MROH9: variants seen among roughly 807,000 people sequenced by gnomAD.
MROH9 encodes the protein maestro heat like repeat family member 9, also known as maestro heat-like repeat-containing protein family member 9.
Under a neutral mutation model 98.2 loss-of-function variants are expected in MROH9, and 92 were observed. The observed-to-expected ratio is 0.94, with a 90% CI of 0.79 to 1.11. The LOEUF (loss-of-function observed/expected upper bound fraction) is 1.11, where lower values mean the gene tolerates loss of function less well. MROH9 is among the 50% of genes most tolerant of loss of function. The pLI, the probability that MROH9 is intolerant of heterozygous loss-of-function variation, is 0.00. For missense variants in MROH9, 1,057 were observed against 1,014.8 expected, an observed-to-expected ratio of 1.04 and a Z score of -0.57; for synonymous variants, 397 against 368.9, an observed-to-expected ratio of 1.08 and a Z score of -0.87.
At chr1:171,033,070 G>A (rs1268778153) in intron 20 of MROH9, among the ~76,000 whole-genome samples, 1 of 152,256 alleles carries the variant, frequency 6.6e-6, no homozygotes, top group African/African-American at 2.4e-5. Context: ...GCCACAGCCA[G>A]TGTGTTGGGC....
At chr1:171,063,410 G>T (rs1654070860) in intron 21 of MROH9, among the ~76,000 whole-genome samples, 1 of 151,818 alleles carries the variant, frequency 6.6e-6, no homozygotes, top group African/African-American at 2.4e-5. Flanking sequence ...ATGCCACCAT[G>T]CCCGGCTAAT....
intron 17 of MROH9, among the ~76,000 whole-genome samples, chr1:171,021,764 A>C (rs1401296529): frequency 6.6e-6 from 1 of 152,226 alleles, no homozygotes; most frequent in Non-Finnish European, 1.5e-5. Context: ...GATCTAATCA[A>C]ATTAAACAGC....
rs74625299 is a variant in MROH9 at position 170,949,308 on chromosome 1, G to T, written c.72+1735G>T. Among the ~76,000 whole-genome samples, 390 of 151,930 alleles carry T rather than the reference G, an allele frequency of 2.6e-3. 5 individuals are homozygous for T. Among genetic ancestry groups the T allele is most frequent in the African/African-American group, 8.7e-3 (362 of 41,472 alleles). ...TTTCAGTACTGAAATGGAGAGGGGT[G>T]GTCTAAACAACACCCTGCAGCATCC... On this transcript the variant is annotated intron_variant, in intron 3 of 21. Coordinates refer to ENST00000367759, the MANE Select transcript of MROH9 (RefSeq NM_001163629.2).
At position 170,965,186 on chromosome 1, in the gene MROH9, T is replaced by A; in HGVS notation, c.411T>A (p.Tyr137Ter). ...MLVWMSKDSS[Y>*]LQERIMVIIN... is the part of the protein sequence containing the mutation. ...TGTGGATGAGTAAAGATAGCTCATATCTGCAAGAGAGAATAATGGTGATCA... is the reference window on the plus strand; with the variant it reads ...TGTGGATGAGTAAAGATAGCTCATAACTGCAAGAGAGAATAATGGTGATCA... Residue 137 changes from tyrosine (Y) to a stop codon, truncating the protein, a stop_gained, in exon 7 of 22, where the codon TAT becomes TAA. Transcript: ENST00000367759. LOFTEE classifies it high-confidence loss of function. 1 of 1,611,412 alleles carries A rather than the reference T, an allele frequency of 6.2e-7. No individual in the cohort carries two copies. The highest frequency in any genetic ancestry group is 8.5e-7 in the Non-Finnish European group (1 of 1,178,180).
At chr1:170,990,434 A>G (rs1651314458) in intron 11 of MROH9, among the ~76,000 whole-genome samples, 1 of 152,214 alleles carries the variant, frequency 6.6e-6, no homozygotes, top group African/African-American at 2.4e-5. Context: ...CATACCAATA[A>G]CAGCATTAAA....
At chr1:171,001,070 G>T (rs1382174850) in intron 15 of MROH9, among the ~76,000 whole-genome samples, 1 of 151,966 alleles carries the variant, frequency 6.6e-6, no homozygotes, top group African/African-American at 2.4e-5. Context: ...GTATCTCAAT[G>T]GTGTCAGTTG....
intron 1 of MROH9, among the ~76,000 whole-genome samples, chr1:170,945,296 C>A (rs774916688): frequency 2.4e-4 from 37 of 152,044 alleles, no homozygotes; most frequent in Non-Finnish European, 4.6e-4. Context: ...CTGTGTGAGA[C>A]CCTGAGCAGA....
chr1:170,995,321 C>T, intron 12 of MROH9, 68 bp from the exon 13 acceptor site: 3 of 1,572,736 alleles, frequency 1.9e-6, no homozygotes, highest in Non-Finnish European at 2.6e-6. Context: ...TCTTGCTCCC[C>T]TCAGTAAGGT....
At chr1:170,947,749 C>T (rs1003908720) in intron 3 of MROH9, among the ~76,000 whole-genome samples, 176 bp downstream of exon 3, 14 of 151,976 alleles carry the variant, frequency 9.2e-5, no homozygotes, top group Admixed American at 3.3e-4. Flanking sequence ...GTCCCTGCAG[C>T]GTCATTTCTT....
intron 10 of MROH9, among the ~76,000 whole-genome samples, chr1:170,988,448 G>A (rs1235719730): frequency 6.6e-6 from 1 of 152,186 alleles, no homozygotes; most frequent in Non-Finnish European, 1.5e-5. Context: ...AGTGAAGTGG[G>A]AAAGAGCACT....
intron 20 of MROH9, among the ~76,000 whole-genome samples, chr1:171,040,293 A>T (rs1196203474): frequency 6.6e-6 from 1 of 152,104 alleles, no homozygotes; most frequent in East Asian, 1.9e-4. Flanking sequence ...TAGAGAGCTA[A>T]TGTATAGCAT....
At chr1:171,050,983 T>C (rs1186821828) in intron 20 of MROH9, among the ~76,000 whole-genome samples, 1 of 152,222 alleles carries the variant, frequency 6.6e-6, no homozygotes, top group African/African-American at 2.4e-5. Flanking sequence ...TGTTGAATCA[T>C]CCTACATCCT....
chr1:170,989,419 A>G (rs1022523697), intron 10 of MROH9, among the ~76,000 whole-genome samples: 72 of 152,202 alleles, frequency 4.7e-4, no homozygotes, highest in Admixed American at 4.7e-3. Context: ...TTCCTCCAAT[A>G]CATGGTTCAT....
chr1:170,959,328 T>C (rs1293044597), intron 4 of MROH9, 134 bp from the exon 5 acceptor site: 8 of 708,600 alleles, frequency 1.1e-5, no homozygotes, highest in Non-Finnish European at 1.2e-5. Context: ...TGAGCCGAGA[T>C]GGCACCACTG....
intron 17 of MROH9, among the ~76,000 whole-genome samples, chr1:171,017,953 T>C (rs1489673484): frequency 1.3e-5 from 2 of 152,122 alleles, no homozygotes; most frequent in East Asian, 1.9e-4. Flanking sequence ...CCAGCAGACA[T>C]AGTCTTTCCT....
chr1:170,943,853 A>G (rs1419420997), intron 1 of MROH9, among the ~76,000 whole-genome samples: 1 of 152,080 alleles, frequency 6.6e-6, no homozygotes, highest in Non-Finnish European at 1.5e-5. Flanking sequence ...AGTCAAAGAA[A>G]ATGAACTTTA....
intron 20 of MROH9, among the ~76,000 whole-genome samples, chr1:171,051,669 G>A (rs1653668927): frequency 6.6e-6 from 1 of 152,102 alleles, no homozygotes; most frequent in Admixed American, 6.5e-5. Flanking sequence ...GTTGATAGGT[G>A]CAGCAAACCA....
chr1:171,023,064 A>T (rs1652569480), intron 17 of MROH9, among the ~76,000 whole-genome samples: 2 of 152,162 alleles, frequency 1.3e-5, no homozygotes, highest in African/African-American at 4.8e-5. Context: ...CACGCCTGTA[A>T]TCCCAACACT....
chr1:171,062,277 T>C, intron 21 of MROH9, 83 bp downstream of exon 21: 1 of 971,880 alleles, frequency 1.0e-6, no homozygotes, highest in Non-Finnish European at 1.6e-6. Flanking sequence ...ATATGAGTTC[T>C]GTTAGAGTGC....
Sources: gnomAD v4.1 joint callset for allele counts (sites outside exome capture counted in the v4.1 genomes callset) on GRCh38, gnomAD v4.1.1 for gene constraint, MANE v1.5 for transcripts, NCBI Gene and HGNC (gene_info 2026-07-23, HGNC 2026-07-21) for gene names.